Variants in VWF observed in about 807,000 individuals in gnomAD.
VWF encodes the protein von Willebrand factor, also known as Factor VIII related antigen.
A neutral mutation model predicts 308.6 loss-of-function variants in VWF; 176 were observed. The observed-to-expected ratio is 0.57, with a 90% CI of 0.50 to 0.65. VWF has a LOEUF of 0.65. Ranked by LOEUF, VWF falls within the 30% of genes least tolerant of loss-of-function variation. The pLI is 0.00. For synonymous variants in VWF, 1,385 were observed against 1,443.4 expected (o/e 0.96, Z 0.92); for missense variants, 3,146 against 3,648.2 (o/e 0.86, Z 3.55).
At chr12:6,041,377 C>G (rs182040614) in intron 18 of VWF, among the ~76,000 whole-genome samples, 1 of 151,522 alleles carries the variant, frequency 6.6e-6, no homozygotes, top group Non-Finnish European at 1.5e-5. Flanking sequence ...TTGCAGTGAG[C>G]CGAGACCATG....
intron 20 of VWF, among the ~76,000 whole-genome samples, chr12:6,032,341 A>C (rs964454744): frequency 6.6e-6 from 1 of 151,188 alleles, no homozygotes; most frequent in African/African-American, 2.4e-5. Context: ...AAAAAAAAGA[A>C]AAGAAAAGAA....
At chr12:6,032,930 G>A (rs566191276) in intron 20 of VWF, among the ~76,000 whole-genome samples, 28 of 147,896 alleles carry the variant, frequency 1.9e-4, no homozygotes, top group East Asian at 1.6e-3. Flanking sequence ...ACACACACGC[G>A]CTCACGCATA....
At chr12:5,971,479 C>A in intron 44 of VWF, 120 bp downstream of exon 44, 1 of 814,512 alleles carries the variant, frequency 1.2e-6, no homozygotes, top group Non-Finnish European at 2.1e-6. Context: ...ACACCAACAG[C>A]TGGGTGAAAT....
At chr12:6,071,380 T>G (rs1343931535) in intron 9 of VWF, 37 bp from the exon 10 acceptor site, 1 of 1,612,930 alleles carries the variant, frequency 6.2e-7, no homozygotes, top group Non-Finnish European at 8.5e-7. Flanking sequence ...TTGGTGGTTC[T>G]GCAAACACAA....
At position 6,046,772 on chromosome 12, in the gene VWF, G is replaced by A. The variant is rs186850965; in HGVS notation, c.2232C>T (p.Pro744=). 4.8e-5 allele frequency: 78 copies of A among 1,614,098 alleles called. No individual in the cohort carries two copies. The highest frequency in any genetic ancestry group is 5.7e-5 in the Non-Finnish European group (67 of 1,180,018). Residue 744 remains proline (P), a synonymous_variant, in exon 17 of 52, where the codon CCC becomes CCT. Coordinates refer to ENST00000261405, the MANE Select transcript of VWF (RefSeq NM_000552.5). The surrounding 1 kb of genome is among the most constrained non-coding windows in gnomAD (Gnocchi z 5.0). ...GFMHCTMSGV[P]GSLLPDAVLS... The stretch of plus-strand genomic sequence containing the variant: ...GGACAGCGTCAGGCAGCAAGCTTCC[G>A]GGGACTCCACTCATGGTACAGTGCA...
chr12:6,049,034 G>T (rs1265955522), intron 16 of VWF, among the ~76,000 whole-genome samples: 3 of 152,198 alleles, frequency 2.0e-5, no homozygotes, highest in Admixed American at 6.5e-5. Flanking sequence ...AGCCTGGTCT[G>T]CAGAAGAAGA....
rs185652113 is a variant in VWF at position 6,084,368 on chromosome 12, G to A, written c.658-8817C>T. On this transcript the variant is annotated intron_variant, in intron 6 of 51. Transcript: ENST00000261405. ...CTCCTGTCTTCTTTCAACTCCTGTCGGCCGTGCCAGGAGCTGCGGGAGAGC... is the reference window on the plus strand; with the variant it reads ...CTCCTGTCTTCTTTCAACTCCTGTCAGCCGTGCCAGGAGCTGCGGGAGAGC... Among the ~76,000 whole-genome samples the A allele has an allele frequency of 6.6e-5, 10 of 152,198 alleles. No individual in the cohort carries two copies. In the East Asian group the frequency reaches 1.5e-3, roughly 24 times the overall value.
rs776598010 is a variant in VWF, at chr12:6,031,520, C to T, written c.2744G>A (p.Ser915Asn). The T allele has an allele frequency of 1.2e-6, 2 of 1,614,050 alleles. No homozygotes were observed. The highest frequency in any genetic ancestry group is 2.7e-5 in the African/African-American group (2 of 74,900). ...FRILVGNKGC[S>N]HPSVKCKKRV... is the part of the protein sequence containing the mutation. ...TTTCTTGCATTTCACTGAGGGGTGG[C>T]TGCATCCCTTATTCCCCACTAGGAT... is the stretch of plus-strand genomic sequence containing the variant. The change falls in exon 21 of 52, where the codon AGC (serine) becomes AAC (asparagine). Residue 915 changes from serine to asparagine, a missense_variant. Coordinates refer to ENST00000261405, the MANE Select transcript of VWF (RefSeq NM_000552.5).
intron 5 of VWF, among the ~76,000 whole-genome samples, chr12:6,099,755 A>G (rs1179737454): frequency 6.6e-6 from 1 of 152,102 alleles, no homozygotes; most frequent in Non-Finnish European, 1.5e-5. Context: ...GATGGATTAA[A>G]GACTTAAACG....
intron 5 of VWF, among the ~76,000 whole-genome samples, chr12:6,096,154 T>TGGAC (rs1166223949): frequency 0.012 from 1,731 of 148,422 alleles, 56 homozygotes; most frequent in African/African-American, 0.037. Flanking sequence ...GATGGATGGA[T>TGGAC]GGACGGTTAC....
At chr12:6,074,329 CCTT>C (rs1944815276) in intron 7 of VWF, among the ~76,000 whole-genome samples, 1 of 152,116 alleles carries the variant, frequency 6.6e-6, no homozygotes, top group African/African-American at 2.4e-5. Flanking sequence ...AGGCTCTCCT[CCTT>C]CCTCTCTCTA....
At chr12:6,034,961 G>A in intron 19 of VWF, 135 bp from the exon 20 acceptor site, 1 of 1,144,258 alleles carries the variant, frequency 8.7e-7, no homozygotes, top group South Asian at 1.5e-5. Flanking sequence ...AGGAAGTTGA[G>A]GACCTGTAGC....
chr12:6,029,827 G>C (rs1241195706), intron 21 of VWF, among the ~76,000 whole-genome samples: 1 of 152,182 alleles, frequency 6.6e-6, no homozygotes, highest in Non-Finnish European at 1.5e-5. Context: ...CTCCTAGATA[G>C]GTTTTCAACA....
intron 16 of VWF, among the ~76,000 whole-genome samples, chr12:6,048,996 A>G (rs986833573): frequency 6.6e-6 from 1 of 152,212 alleles, no homozygotes; most frequent in African/African-American, 2.4e-5. Flanking sequence ...AGCCTCAAAG[A>G]TAGGTTTAAA....
Position 6,021,710 on chromosome 12 carries a change from G to A in VWF, c.3674+190C>T, listed in dbSNP as rs376563955. The A allele has an allele frequency of 1.2e-5, 9 of 721,416 alleles. No homozygotes were observed. The South Asian group carries it at 1.8e-4, about 15-fold the overall frequency. 44.7% of individuals were successfully genotyped at this position (721,416 alleles called of 1,614,324 possible). A position where few individuals can be genotyped will look rare whatever the true frequency, so the allele number is the denominator to read the frequency against. On this transcript the variant is annotated intron_variant, in intron 27 of 51. Transcript: ENST00000261405. ...AGTCTAGTCCATCCCTAAAGAAAAA[G>A]AAGCAAACCCTAGGAACAAACAAAA...
At chr12:6,104,448 GA>G (rs1945218105) in intron 5 of VWF, among the ~76,000 whole-genome samples, 1 of 151,914 alleles carries the variant, frequency 6.6e-6, no homozygotes, top group Non-Finnish European at 1.5e-5. Flanking sequence ...AGCACTTTGG[GA>G]GGCTGAGGCG....
At chr12:5,983,979 G>A in intron 40 of VWF, among the ~76,000 whole-genome samples, 1 of 98,296 alleles carries the variant, frequency 1.0e-5, no homozygotes, top group Middle Eastern at 5.2e-3. Context: ...TAGATGGATA[G>A]ATAGATAGAT....
intron 34 of VWF, among the ~76,000 whole-genome samples, chr12:5,997,148 A>G (rs1359395401): frequency 6.6e-6 from 1 of 152,164 alleles, no homozygotes; most frequent in Non-Finnish European, 1.5e-5. Context: ...ACCACTGACA[A>G]ATGATGGGTC....
intron 25 of VWF, among the ~76,000 whole-genome samples, chr12:6,023,275 A>G (rs984606622): frequency 7.9e-5 from 12 of 152,158 alleles, no homozygotes; most frequent in African/African-American, 2.2e-4. Context: ...GCAAGATTCT[A>G]TAGACATGAA....
Sources: allele counts gnomAD v4.1 joint callset (sites outside exome capture counted in the v4.1 genomes callset), GRCh38; gene constraint gnomAD v4.1.1; non-coding constraint Gnocchi (gnomAD v3.1); transcripts MANE v1.5; gene names NCBI Gene and HGNC (gene_info 2026-07-23, HGNC 2026-07-21).